The following STX3 variants were observed in gnomAD, a reference collection of about 807,000 sequenced individuals.
The protein encoded by STX3 is syntaxin 3.
STX3 carries 19 observed loss-of-function variants against 40.2 expected under a neutral mutation model. The ratio of observed to expected loss-of-function variants is 0.47; its 90% confidence interval spans 0.33 to 0.69. The LOEUF (loss-of-function observed/expected upper bound fraction) is 0.69, where lower values mean the gene tolerates loss of function less well. Ranked by LOEUF, STX3 falls within the 30% of genes least tolerant of loss-of-function variation. The pLI, the probability that STX3 is intolerant of heterozygous loss-of-function variation, is 0.02. For synonymous variants in STX3, 122 were observed against 132.2 expected, an observed-to-expected ratio of 0.92 and a Z score of 0.53; for missense variants, 364 against 366.7, an observed-to-expected ratio of 0.99 and a Z score of 0.06.
At chr11:59,764,949 C>G (rs1366611163) in intron 1 of STX3, among the ~76,000 whole-genome samples, 3 of 151,084 alleles carry the variant, frequency 2.0e-5, no homozygotes, top group African/African-American at 7.3e-5. Context: ...GAGTGGGGTC[C>G]TCAGGGACCT....
At chr11:59,757,529 A>T (rs75791186) in intron 1 of STX3, among the ~76,000 whole-genome samples, 2,305 of 152,284 alleles carry the variant, frequency 0.015, 61 homozygotes, top group African/African-American at 0.051. Flanking sequence ...TCGGTGCCTC[A>T]TGGTTACCCT....
At chr11:59,763,740 G>A (rs998876789) in intron 1 of STX3, among the ~76,000 whole-genome samples, 4 of 152,164 alleles carry the variant, frequency 2.6e-5, no homozygotes, top group Admixed American at 1.3e-4. Flanking sequence ...ATGATCGGCC[G>A]GGCGCGGTGG....
intron 2 of STX3, 47 bp from the exon 3 acceptor site, chr11:59,786,990 C>G: frequency 6.5e-7 from 1 of 1,533,342 alleles, no homozygotes; most frequent in East Asian, 2.3e-5. Flanking sequence ...AGCCATGGAC[C>G]TGTACTTCCT....
At chr11:59,759,136 A>G (rs182835772) in intron 1 of STX3, among the ~76,000 whole-genome samples, 74 of 152,318 alleles carry the variant, frequency 4.9e-4, no homozygotes, top group Middle Eastern at 3.4e-3. Flanking sequence ...TTGGAGATAC[A>G]TAAGTTACTT....
At chr11:59,785,582 C>T (rs924902929) in intron 2 of STX3, among the ~76,000 whole-genome samples, 1 of 152,166 alleles carries the variant, frequency 6.6e-6, no homozygotes. Flanking sequence ...CTGCCTGCCT[C>T]GGCCTCTCAA....
chr11:59,755,554 G>C lies in STX3; in HGVS notation c.-52G>C. Reference sequence around the variant, plus strand: ...AGCTCACCTGGGAAGCGCTCACCTGGGACGCGCTCACCTGGGACGCGCTAC... The same window carrying C: ...AGCTCACCTGGGAAGCGCTCACCTGCGACGCGCTCACCTGGGACGCGCTAC... On this transcript the variant is annotated 5_prime_UTR_variant, in exon 1 of 11. Transcript: ENST00000337979. 3.2e-6 allele frequency: 5 copies of C among 1,579,424 alleles called. No individual in the cohort carries two copies. Among genetic ancestry groups the C allele is most frequent in the Non-Finnish European group, 4.3e-6 (5 of 1,168,692 alleles).
intron 10 of STX3, among the ~76,000 whole-genome samples, chr11:59,798,914 G>T (rs760878900): frequency 6.7e-6 from 1 of 149,894 alleles, no homozygotes; most frequent in African/African-American, 2.5e-5. Context: ...TGTTGAGATT[G>T]TGTGTTGCTC....
intron 2 of STX3, among the ~76,000 whole-genome samples, chr11:59,783,772 C>A (rs558056564): frequency 2.0e-5 from 3 of 152,306 alleles, no homozygotes; most frequent in Non-Finnish European, 4.4e-5. Context: ...TAAGAAAAAG[C>A]AAAGCCACGA....
In STX3 at chr11:59,803,403, A is replaced by G. The variant is rs1305546741; in HGVS notation, c.*2579A>G. On this transcript the variant is annotated 3_prime_UTR_variant, in exon 11 of 11. Coordinates refer to ENST00000337979, the MANE Select transcript of STX3 (RefSeq NM_004177.5). ...TTAATCTGGGTGGGATTAGGTGCTA[A>G]TAATGGTTAGAGAAAACTAAAGAAA... 1.6e-6 allele frequency: 1 copy of G among 642,458 alleles called. No homozygotes were observed. The highest frequency in any genetic ancestry group is 2.2e-6 in the Non-Finnish European group (1 of 450,628). 39.8% of individuals were successfully genotyped at this position (642,458 alleles called of 1,614,324 possible).
intron 2 of STX3, among the ~76,000 whole-genome samples, chr11:59,778,771 G>A (rs187740725): frequency 2.5e-4 from 38 of 151,692 alleles, no homozygotes; most frequent in Admixed American, 1.9e-3. Context: ...TAATTTTTCA[G>A]AGCAACACTT....
chr11:59,781,432 G>T, intron 2 of STX3: 2 of 1,610,582 alleles, frequency 1.2e-6, no homozygotes, highest in South Asian at 2.2e-5. Flanking sequence ...CACTCCTGAT[G>T]CTGAACCAAT....
At position 59,776,641 on chromosome 11, in the gene STX3, G is replaced by T. The variant is rs150515626; in HGVS notation, c.114+3347G>T. On this transcript the variant is annotated intron_variant, in intron 2 of 10. Transcript: ENST00000337979. The stretch of plus-strand genomic sequence containing the variant: ...GGACTGGTTCCAGGAGGTCATCCTT[G>T]GTTATTTGCTGAGAGCATGAATCAC... Among the ~76,000 whole-genome samples, 25 of 152,266 alleles carry T rather than the reference G, an allele frequency of 1.6e-4. No individual in the cohort carries two copies. The East Asian group carries it at 4.6e-3, about 28-fold the overall frequency.
intron 7 of STX3, 88 bp from the exon 8 acceptor site, chr11:59,793,292 G>A (rs1216536173): frequency 1.9e-6 from 3 of 1,606,236 alleles, no homozygotes; most frequent in Non-Finnish European, 2.6e-6. Context: ...AGGGAGGCAA[G>A]GAGCTCCCCA....
At position 59,755,483 on chromosome 11, in the gene STX3, C is replaced by A; in HGVS notation, c.-123C>A. On this transcript the variant is annotated 5_prime_UTR_variant, in exon 1 of 11. Coordinates refer to ENST00000337979, the MANE Select transcript of STX3 (RefSeq NM_004177.5). ...AGCGGCCGCCGCCCGCCGCCGCCTG[C>A]GCCTCCAGCTCCTTCGCCCCGGCGG... is the stretch of plus-strand genomic sequence containing the variant. 1 of 1,244,888 alleles carries A rather than the reference C, an allele frequency of 8.0e-7. No homozygotes were observed. The highest frequency in any genetic ancestry group is 3.9e-5 in the Admixed American group (1 of 25,738). 77.1% of individuals were successfully genotyped at this position (1,244,888 alleles called of 1,614,324 possible). A position where few individuals can be genotyped will look rare whatever the true frequency, so the allele number is the denominator to read the frequency against.
Position 59,801,698 on chromosome 11 carries a change from T to C in STX3, c.*874T>C, listed in dbSNP as rs2135053512. 2.0e-6 allele frequency: 2 copies of C among 985,866 alleles called. No individual in the cohort carries two copies. Among genetic ancestry groups the C allele is most frequent in the Middle Eastern group, 1.0e-3 (2 of 1,914 alleles). 61.1% of individuals were successfully genotyped at this position (985,866 alleles called of 1,614,324 possible). A position where few individuals can be genotyped will look rare whatever the true frequency, so the allele number is the denominator to read the frequency against. ...GCTAGAATCCTAAGCTCTGGAAATA[T>C]TTCATGACACTGGTGTATTCACTCA... On this transcript the variant is annotated 3_prime_UTR_variant, in exon 11 of 11. Transcript: ENST00000337979.
intron 7 of STX3, 62 bp from the exon 8 acceptor site, chr11:59,793,318 G>C: frequency 7.5e-6 from 12 of 1,602,656 alleles, no homozygotes; most frequent in Non-Finnish European, 9.4e-6. Flanking sequence ...GTGCATGAGG[G>C]CTGTGGCAGG....
intron 1 of STX3, 148 bp downstream of exon 1, chr11:59,755,783 A>ACCCTC: frequency 8.3e-6 from 9 of 1,086,254 alleles, no homozygotes; most frequent in Admixed American, 7.0e-5. Flanking sequence ...CCGGTTCCGC[A>ACCCTC]CCCTCCCCTC....
intron 2 of STX3, among the ~76,000 whole-genome samples, chr11:59,779,470 G>A (rs923545559): frequency 6.6e-6 from 1 of 152,134 alleles, no homozygotes; most frequent in African/African-American, 2.4e-5. Flanking sequence ...ATCCCATTGG[G>A]GATTAGGCAT....
chr11:59,763,916 A>G (rs58775794), intron 1 of STX3, among the ~76,000 whole-genome samples: 15,774 of 151,884 alleles, frequency 0.1, 1,150 homozygotes, highest in African/African-American at 0.2. Context: ...TACTTGGGAG[A>G]CTGAGGCAGG....
Sources: gnomAD v4.1 joint callset for allele counts (sites outside exome capture counted in the v4.1 genomes callset) on GRCh38, gnomAD v4.1.1 for gene constraint, MANE v1.5 for transcripts, NCBI Gene and HGNC (gene_info 2026-07-23, HGNC 2026-07-21) for gene names.